KLF7: variants seen among roughly 807,000 people sequenced by gnomAD.
KLF7 encodes the protein Krueppel-like factor 7.
A neutral mutation model predicts 27.3 loss-of-function variants in KLF7; 2 were observed. That is an observed-to-expected ratio of 0.07 (90% confidence interval 0.03 to 0.23). The LOEUF is 0.23. KLF7 is among the 10% of genes least tolerant of loss of function. The pLI, the probability that KLF7 is intolerant of heterozygous loss-of-function variation, is 1.00. For missense variants in KLF7, 221 were observed against 394.1 expected (o/e 0.56, Z 3.72); for synonymous variants, 165 against 162.4 (o/e 1.02, Z -0.12).
At chr2:207,169,495 A>G (rs2078771675), upstream of KLF7, among the ~76,000 whole-genome samples, 1 of 152,192 alleles carries the variant, frequency 6.6e-6, no homozygotes, top group South Asian at 2.1e-4. Flanking sequence ...TTTGCTTAAG[A>G]CTTTATTTGA....
chr2:207,138,144 C>T (rs1574540460), intron 1 of KLF7, among the ~76,000 whole-genome samples: 1 of 152,280 alleles, frequency 6.6e-6, no homozygotes, highest in Non-Finnish European at 1.5e-5. Context: ...TCCCCTCTCC[C>T]CTTTGTTCCT....
At chr2:207,136,155 G>A (rs187193571) in intron 1 of KLF7, among the ~76,000 whole-genome samples, 4 of 152,186 alleles carry the variant, frequency 2.6e-5, no homozygotes, top group Non-Finnish European at 5.9e-5. Flanking sequence ...TACTGAATCT[G>A]AGTAGAGAAT....
chr2:207,107,643 C>T (rs1340192438), intron 2 of KLF7, among the ~76,000 whole-genome samples: 3 of 152,236 alleles, frequency 2.0e-5, no homozygotes, highest in East Asian at 1.9e-4. Context: ...CCACCGGCTC[C>T]TGTGTGCAGC....
At position 207,116,942 on chromosome 2, in the gene KLF7, T is replaced by C. The variant is rs2077203591; in HGVS notation, c.733+6832A>G. On this transcript the variant is annotated intron_variant, in intron 2 of 3. Coordinates refer to ENST00000309446, the MANE Select transcript of KLF7 (RefSeq NM_003709.4). ...AATATAATGATTTTATGAAACCATATTTCAGGCTTTTGTGTCAAAAAGCGA... is the reference window on the plus strand; with the variant it reads ...AATATAATGATTTTATGAAACCATACTTCAGGCTTTTGTGTCAAAAAGCGA... Among the ~76,000 whole-genome samples, 3 of 152,222 alleles carry C rather than the reference T, an allele frequency of 2.0e-5. No individual in the cohort carries two copies. The South Asian group carries it at 6.2e-4, about 31-fold the overall frequency.
At chr2:207,166,764 C>CG, upstream of KLF7, 4 of 986,338 alleles carry the variant, frequency 4.1e-6, no homozygotes, top group Non-Finnish European at 4.8e-6. Context: ...TACTCAAAAA[C>CG]AAGCAGAAAA....
At chr2:207,163,818 T>C (rs1237362080) in intron 1 of KLF7, among the ~76,000 whole-genome samples, 2 of 152,174 alleles carry the variant, frequency 1.3e-5, no homozygotes, top group Non-Finnish European at 2.9e-5. Flanking sequence ...CAGTGTGAAA[T>C]GAAGGCTATT....
At chr2:207,133,971 T>TTACAGCCCGCTCTTA in intron 1 of KLF7, 1 of 894,746 alleles carries the variant, frequency 1.1e-6, no homozygotes, top group Non-Finnish European at 1.7e-6. Context: ...TAATCCTGTT[T>TTACAGCCCGCTCTTA]TACAGCCCGC....
intron 1 of KLF7, chr2:207,149,170 T>C: frequency 7.8e-7 from 1 of 1,288,452 alleles, no homozygotes; most frequent in Non-Finnish European, 1.0e-6. Context: ...ACTGGTGTGT[T>C]TTCTTTTTGG....
Position 207,076,066 on chromosome 2 carries a change from T to C in KLF7, c.*5147A>G, listed in dbSNP as rs943459283. On this transcript the variant is annotated 3_prime_UTR_variant, in exon 4 of 4. Coordinates refer to ENST00000309446, the MANE Select transcript of KLF7 (RefSeq NM_003709.4). Reference sequence around the variant, plus strand: ...AAGCATCCATCCCCCCCAAAAGATATTAGGCACTGGTGGCTACTCCTCCGA... The same window carrying C: ...AAGCATCCATCCCCCCCAAAAGATACTAGGCACTGGTGGCTACTCCTCCGA... 5 of 151,410 alleles carry C rather than the reference T, an allele frequency of 3.3e-5. No individual in the cohort carries two copies. The highest frequency in any genetic ancestry group is 1.2e-4 in the African/African-American group (5 of 41,216). The allele number at this position is 151,410 out of a possible 1,614,324, so 9.4% of individuals were successfully genotyped here. A position where few individuals can be genotyped will look rare whatever the true frequency, so the allele number is the denominator to read the frequency against.
At chr2:207,120,212 C>T (rs906391647) in intron 2 of KLF7, among the ~76,000 whole-genome samples, 1 of 152,148 alleles carries the variant, frequency 6.6e-6, no homozygotes, top group Non-Finnish European at 1.5e-5. Context: ...GCCTAATATC[C>T]TCCAGGGCAA....
At position 207,075,345 on chromosome 2, in the gene KLF7, TTATATATA is replaced by T. The variant is rs200793904; in HGVS notation, c.*5860_*5867del. The T allele has an allele frequency of 6.8e-6, 1 of 146,300 alleles. No homozygotes were observed. The highest frequency in any genetic ancestry group is 2.0e-4 in the East Asian group (1 of 5,094). The allele number at this position is 146,300 out of a possible 1,614,324, so 9.1% of individuals were successfully genotyped here. On this transcript the variant is annotated 3_prime_UTR_variant, in exon 4 of 4. Transcript: ENST00000309446. ...AAAAAAACTTGACAAAGTAATATATTTATATATATATATATATAAAAAGCTTAAAAAAA... is the reference window on the plus strand; with the variant it reads ...AAAAAAACTTGACAAAGTAATATATTTATATATATAAAAAGCTTAAAAAAA...
At chr2:207,081,988 T>TTGTG (rs146593097) in intron 3 of KLF7, among the ~76,000 whole-genome samples, 7 of 151,028 alleles carry the variant, frequency 4.6e-5, no homozygotes, top group Admixed American at 3.3e-4. Context: ...TTCTCACGCT[T>TTGTG]TGTGTGTGTG....
At chr2:207,091,207 GC>G (rs1033717374) in intron 2 of KLF7, among the ~76,000 whole-genome samples, 1 of 152,186 alleles carries the variant, frequency 6.6e-6, no homozygotes, top group Non-Finnish European at 1.5e-5. Context: ...CAAACTGTTT[GC>G]TTTTCCCCTT....
intron 1 of KLF7, among the ~76,000 whole-genome samples, chr2:207,142,848 C>T (rs2077982029): frequency 6.6e-6 from 1 of 152,180 alleles, no homozygotes; most frequent in Admixed American, 6.5e-5. Context: ...AAAATGTCTT[C>T]TATTTTTGGC....
chr2:207,083,059 C>G (rs2076311638), intron 3 of KLF7, among the ~76,000 whole-genome samples: 1 of 152,234 alleles, frequency 6.6e-6, no homozygotes, highest in African/African-American at 2.4e-5. Flanking sequence ...TACCCACTTA[C>G]TTCCAGCCCT....
chr2:207,082,987 C>T (rs551556517), intron 3 of KLF7, among the ~76,000 whole-genome samples: 1 of 152,242 alleles, frequency 6.6e-6, no homozygotes, highest in South Asian at 2.1e-4. Context: ...CATAAAAATG[C>T]GAAAAGTACA....
At chr2:207,126,881 C>T (rs1037275205) in intron 1 of KLF7, among the ~76,000 whole-genome samples, 1 of 151,780 alleles carries the variant, frequency 6.6e-6, no homozygotes, top group African/African-American at 2.4e-5. Flanking sequence ...GCCTCCTCTA[C>T]AATGACTTTC....
At chr2:207,086,901 G>T (rs1401808538) in intron 3 of KLF7, among the ~76,000 whole-genome samples, 3 of 152,212 alleles carry the variant, frequency 2.0e-5, no homozygotes, top group African/African-American at 4.8e-5. Flanking sequence ...ATTCACCTTG[G>T]TCCCAGTTGA....
chr2:207,158,984 T>C (rs137984507), intron 1 of KLF7, among the ~76,000 whole-genome samples: 312 of 152,312 alleles, frequency 2.0e-3, no homozygotes, highest in African/African-American at 7.2e-3. Context: ...CAATGCCTCA[T>C]CTGGCTTTAA....
Sources: gnomAD v4.1 joint callset for allele counts (sites outside exome capture counted in the v4.1 genomes callset) on GRCh38, gnomAD v4.1.1 for gene constraint, MANE v1.5 for transcripts, NCBI Gene and HGNC (gene_info 2026-07-23, HGNC 2026-07-21) for gene names.